Variants in SPICE1 observed in about 807,000 individuals in gnomAD.
SPICE1 encodes spindle and centriole-associated protein 1.
Under a neutral mutation model 102.7 loss-of-function variants are expected in SPICE1, and 75 were observed. That is an observed-to-expected ratio of 0.73 (90% CI 0.61 to 0.88). The LOEUF (loss-of-function observed/expected upper bound fraction) is 0.88, where lower values mean the gene tolerates loss of function less well. Ranked by LOEUF, SPICE1 falls within the 40% of genes least tolerant of loss-of-function variation. SPICE1 has a pLI of 0.00. For missense variants in SPICE1, 979 were observed against 1,020.1 expected (o/e 0.96, Z 0.55); for synonymous variants, 308 against 350.3 (o/e 0.88, Z 1.35).
At chr3:113,481,445 T>C (rs1411541248) in intron 7 of SPICE1, among the ~76,000 whole-genome samples, 1 of 151,948 alleles carries the variant, frequency 6.6e-6, no homozygotes, top group African/African-American at 2.4e-5. Flanking sequence ...CTTTAAGTTC[T>C]GGGGTATATG....
chr3:113,479,008 G>A lies in SPICE1; in HGVS notation c.612-9770C>T, dbSNP rs181672519. 1.8e-3 allele frequency among the ~76,000 whole-genome samples: 267 copies of A among 151,860 alleles called. 1 individual carries two copies. In the Middle Eastern group the frequency reaches 0.02, roughly 12 times the overall value. ...TTATTATTATACTTTAAGTTTTAGC[G>A]TACATGTGCACAATGTGCAAGTTAG... On this transcript the variant is annotated intron_variant, in intron 7 of 17. Transcript: ENST00000295872.
chr3:113,471,208 A>T (rs1270231755), intron 7 of SPICE1, among the ~76,000 whole-genome samples: 1 of 152,174 alleles, frequency 6.6e-6, no homozygotes, highest in Non-Finnish European at 1.5e-5. Context: ...TTATATGGCA[A>T]AAAAGGGGTA....
At chr3:113,502,981 C>G (rs1336487888) in intron 3 of SPICE1, among the ~76,000 whole-genome samples, 199 bp downstream of exon 3, 4 of 152,114 alleles carry the variant, frequency 2.6e-5, no homozygotes, top group Non-Finnish European at 5.9e-5. Flanking sequence ...TAATGAAACT[C>G]TAATACATAC....
At chr3:113,445,507 G>T in intron 17 of SPICE1, 147 bp from the exon 18 acceptor site, 2 of 606,790 alleles carry the variant, frequency 3.3e-6, no homozygotes, top group Non-Finnish European at 5.8e-6. Flanking sequence ...TATTGGCAAT[G>T]TTAATTCTCT....
intron 7 of SPICE1, among the ~76,000 whole-genome samples, chr3:113,478,320 A>G (rs1469820250): frequency 6.6e-6 from 1 of 152,188 alleles, no homozygotes; most frequent in Non-Finnish European, 1.5e-5. Flanking sequence ...ACTTAATACA[A>G]AATAATTCCA....
At chr3:113,448,276 C>A in intron 15 of SPICE1, 136 bp from the exon 16 acceptor site, 2 of 669,874 alleles carry the variant, frequency 3.0e-6, no homozygotes, top group Non-Finnish European at 4.5e-6. Context: ...GCCCAAGATA[C>A]ACTTGAAAGA....
chr3:113,460,866 T>C, intron 11 of SPICE1, 102 bp from the exon 12 acceptor site: 1 of 981,906 alleles, frequency 1.0e-6, no homozygotes, highest in Non-Finnish European at 1.5e-6. Context: ...TAATATCATA[T>C]CAATACATAT....
intron 1 of SPICE1, among the ~76,000 whole-genome samples, chr3:113,510,845 A>C (rs1937206395): frequency 6.6e-6 from 1 of 152,246 alleles, no homozygotes; most frequent in African/African-American, 2.4e-5. Flanking sequence ...ACAAAATGAG[A>C]GAAAAATTTT....
In SPICE1 at chr3:113,499,559, T is replaced by C; in HGVS notation, c.171A>G (p.Lys57=). 1 of 1,611,526 alleles carries C rather than the reference T, an allele frequency of 6.2e-7. No individual in the cohort carries two copies. The highest frequency in any genetic ancestry group is 1.1e-5 in the South Asian group (1 of 90,712). ...AGTGTACTAATGCTCTATTCTTCGATTTGTGTATTTCATGACGGCGTACCT... is the reference window on the plus strand; with the variant it reads ...AGTGTACTAATGCTCTATTCTTCGACTTGTGTATTTCATGACGGCGTACCT... ...EDLVRRHEIH[K]SKNRALVHWE... is the part of the protein sequence containing the mutation. The change falls in exon 4 of 18, where the codon AAA becomes AAG. Residue 57 remains lysine (K), a synonymous_variant. Coordinates refer to ENST00000295872, the MANE Select transcript of SPICE1 (RefSeq NM_144718.4).
At chr3:113,491,624 CA>C (rs869171154) in intron 6 of SPICE1, among the ~76,000 whole-genome samples, 1,957 of 37,988 alleles carry the variant, frequency 0.052, 18 homozygotes, top group African/African-American at 0.16. Flanking sequence ...GACTCCGTCT[CA>C]AAAAAAAAAA....
chr3:113,472,965 G>T (rs1190535582), intron 7 of SPICE1, among the ~76,000 whole-genome samples: 1 of 152,164 alleles, frequency 6.6e-6, no homozygotes, highest in East Asian at 1.9e-4. Flanking sequence ...AGAGAAGAAG[G>T]CTTCAGACGA....
At chr3:113,456,219 T>C (rs1935775392) in intron 13 of SPICE1, among the ~76,000 whole-genome samples, 1 of 152,150 alleles carries the variant, frequency 6.6e-6, no homozygotes, top group Non-Finnish European at 1.5e-5. Flanking sequence ...GTGTCCTTTA[T>C]TGGAAACATA....
At chr3:113,504,859 T>C (rs1447888408) in intron 2 of SPICE1, among the ~76,000 whole-genome samples, 1 of 152,226 alleles carries the variant, frequency 6.6e-6, no homozygotes, top group African/African-American at 2.4e-5. Context: ...CTCTTCTCCA[T>C]CATTTACCAT....
intron 11 of SPICE1, among the ~76,000 whole-genome samples, chr3:113,464,830 G>A (rs1215201049): frequency 6.6e-6 from 1 of 152,150 alleles, no homozygotes; most frequent in East Asian, 1.9e-4. Context: ...AAAGAAGCAA[G>A]GTGCAGTGGC....
chr3:113,503,144 C>T, intron 3 of SPICE1, 36 bp downstream of exon 3: 1 of 1,589,160 alleles, frequency 6.3e-7, no homozygotes, highest in Non-Finnish European at 8.6e-7. Context: ...AAATAAAACA[C>T]TGAATAAATG....
chr3:113,490,750 A>G (rs565099593), intron 6 of SPICE1, among the ~76,000 whole-genome samples: 2 of 152,328 alleles, frequency 1.3e-5, no homozygotes, highest in East Asian at 3.9e-4. Context: ...ACCTAAGACC[A>G]TGAACAGTGT....
At chr3:113,473,085 G>A (rs1341253467) in intron 7 of SPICE1, among the ~76,000 whole-genome samples, 1 of 152,148 alleles carries the variant, frequency 6.6e-6, no homozygotes, top group Non-Finnish European at 1.5e-5. Context: ...ACAGAGAAGT[G>A]CTTAAAGGAG....
chr3:113,471,217 T>C (rs1936188729), intron 7 of SPICE1, among the ~76,000 whole-genome samples: 1 of 152,040 alleles, frequency 6.6e-6, no homozygotes, highest in South Asian at 2.1e-4. Context: ...AAAAAAGGGG[T>C]AGGGGAAGCC....
At chr3:113,470,798 A>G (rs1936176226) in intron 7 of SPICE1, among the ~76,000 whole-genome samples, 1 of 152,252 alleles carries the variant, frequency 6.6e-6, no homozygotes, top group Admixed American at 6.5e-5. Flanking sequence ...AAGTCCTAAT[A>G]GTATTTGCTC....
Sources: allele counts gnomAD v4.1 joint callset (sites outside exome capture counted in the v4.1 genomes callset), GRCh38; gene constraint gnomAD v4.1.1; transcripts MANE v1.5; gene names NCBI Gene and HGNC (gene_info 2026-07-23, HGNC 2026-07-21).